The following NTM variants were observed in gnomAD, a reference collection of about 807,000 sequenced individuals.
NTM encodes the protein IgLON family member 2.
NTM carries 13 observed loss-of-function variants against 42.1 expected under a neutral mutation model. That is an observed-to-expected ratio of 0.31 (90% confidence interval 0.20 to 0.49). NTM has a LOEUF of 0.49. Ranked by LOEUF, NTM falls within the 20% of genes least tolerant of loss-of-function variation. The pLI is 0.99. For missense variants in NTM, 373 were observed against 452.8 expected, an observed-to-expected ratio of 0.82 and a Z score of 1.60; for synonymous variants, 187 against 179.2, an observed-to-expected ratio of 1.04 and a Z score of -0.35.
chr11:131,717,303 A>G (rs2077806650), intron 1 of NTM, among the ~76,000 whole-genome samples: 1 of 152,208 alleles, frequency 6.6e-6, no homozygotes, highest in South Asian at 2.1e-4. Context: ...ATTGTATTGA[A>G]TTTATACATT....
chr11:131,956,675 C>T (rs749548773), intron 2 of NTM, among the ~76,000 whole-genome samples: 26 of 152,110 alleles, frequency 1.7e-4, no homozygotes, highest in African/African-American at 4.6e-4. Context: ...CTTCCAGCTC[C>T]GGTGTTTGCC....
intron 4 of NTM, among the ~76,000 whole-genome samples, chr11:132,224,422 G>T (rs1053079693): frequency 6.6e-6 from 1 of 152,106 alleles, no homozygotes. Context: ...CTAGGGGAAT[G>T]AATGGGCTGG....
intron 1 of NTM, among the ~76,000 whole-genome samples, chr11:131,441,243 C>T (rs1270218829): frequency 6.6e-6 from 1 of 152,098 alleles, no homozygotes; most frequent in Non-Finnish European, 1.5e-5. Context: ...GCCCAGAGAC[C>T]GTGAATGTGC....
At chr11:132,223,807 T>C (rs2085642288) in intron 4 of NTM, among the ~76,000 whole-genome samples, 1 of 152,154 alleles carries the variant, frequency 6.6e-6, no homozygotes, top group Non-Finnish European at 1.5e-5. Context: ...TTTCAAAGAA[T>C]GACAAGTTCA....
At chr11:132,161,420 T>C (rs1411261980) in intron 3 of NTM, among the ~76,000 whole-genome samples, 7 of 148,228 alleles carry the variant, frequency 4.7e-5, no homozygotes, top group Non-Finnish European at 7.4e-5. Context: ...CTTTTTGTCA[T>C]CTTCTGCCTG....
chr11:132,089,036 G>A (rs7945451), intron 2 of NTM, among the ~76,000 whole-genome samples: 19,688 of 152,170 alleles, frequency 0.13, 1,440 homozygotes, highest in African/African-American at 0.21. Context: ...TGAGAGGAAT[G>A]AGCAGGAGTG....
chr11:131,826,400 G>A (rs1420985514), intron 1 of NTM, among the ~76,000 whole-genome samples: 5 of 151,980 alleles, frequency 3.3e-5, no homozygotes, highest in African/African-American at 9.7e-5. Flanking sequence ...TAACAAGAAG[G>A]TAGATGATAT....
intron 1 of NTM, among the ~76,000 whole-genome samples, chr11:131,677,084 T>A (rs1311749547): frequency 6.6e-6 from 1 of 152,204 alleles, no homozygotes; most frequent in African/African-American, 2.4e-5. Flanking sequence ...GCCTCTGGCA[T>A]CTAATACATA....
chr11:131,814,333 G>T (rs1403682083), intron 1 of NTM, among the ~76,000 whole-genome samples: 1 of 152,054 alleles, frequency 6.6e-6, no homozygotes, highest in Admixed American at 6.6e-5. Context: ...TAACAAAGCG[G>T]CTCTGAAAGC....
chr11:131,509,103 T>A (rs909463161), intron 1 of NTM, among the ~76,000 whole-genome samples: 1 of 152,200 alleles, frequency 6.6e-6, no homozygotes, highest in Non-Finnish European at 1.5e-5. Flanking sequence ...TTTTGTAATT[T>A]TTAAACCCCA....
At chr11:131,719,806 G>T (rs568322576) in intron 1 of NTM, among the ~76,000 whole-genome samples, 2 of 152,150 alleles carry the variant, frequency 1.3e-5, no homozygotes, top group African/African-American at 4.8e-5. Flanking sequence ...CACTCTCCAG[G>T]ATCTAAGTGG....
chr11:131,940,886 A>G (rs1247265953), intron 2 of NTM, among the ~76,000 whole-genome samples: 1 of 152,230 alleles, frequency 6.6e-6, no homozygotes, highest in African/African-American at 2.4e-5. Context: ...TTGACAACAT[A>G]GTTTATGAGC....
chr11:131,448,789 G>A (rs1048704626), intron 1 of NTM, among the ~76,000 whole-genome samples: 1 of 152,246 alleles, frequency 6.6e-6, no homozygotes, highest in African/African-American at 2.4e-5. Flanking sequence ...CAACAGGCCA[G>A]TGATGTTGGT....
chr11:131,828,915 T>C (rs1343669690), intron 1 of NTM, among the ~76,000 whole-genome samples: 2 of 152,118 alleles, frequency 1.3e-5, no homozygotes, highest in South Asian at 2.1e-4. Context: ...TTATGACTAC[T>C]TACCCTGTCA....
At chr11:132,103,491 A>C (rs746342367) in intron 2 of NTM, among the ~76,000 whole-genome samples, 1 of 152,178 alleles carries the variant, frequency 6.6e-6, no homozygotes, top group Non-Finnish European at 1.5e-5. Context: ...TGGATAATTT[A>C]TTTATTTTAA....
At chr11:131,887,513 G>A (rs554514391) in intron 1 of NTM, among the ~76,000 whole-genome samples, 58 of 152,116 alleles carry the variant, frequency 3.8e-4, no homozygotes, top group Admixed American at 3.8e-3. Context: ...CAGCTTCTTT[G>A]TTCTTTCTGT....
chr11:132,295,277 T>C (rs867683106), intron 4 of NTM, among the ~76,000 whole-genome samples: 2 of 152,300 alleles, frequency 1.3e-5, no homozygotes, highest in South Asian at 4.1e-4. Flanking sequence ...GATATCATAA[T>C]GAATTATGAT....
At chr11:131,401,630 C>T (rs57177084) in intron 1 of NTM, among the ~76,000 whole-genome samples, 2,257 of 150,898 alleles carry the variant, frequency 0.015, 52 homozygotes, top group African/African-American at 0.052. Flanking sequence ...ACCTGTGCCC[C>T]TCTACTCTCT....
intron 1 of NTM, among the ~76,000 whole-genome samples, chr11:131,832,259 T>C (rs1249295262): frequency 6.6e-6 from 1 of 151,674 alleles, no homozygotes; most frequent in Non-Finnish European, 1.5e-5. Context: ...TTCAGAGTAA[T>C]TTTTTCACTT....
Sources: gnomAD v4.1 joint callset for allele counts (sites outside exome capture counted in the v4.1 genomes callset) on GRCh38, gnomAD v4.1.1 for gene constraint, MANE v1.5 for transcripts, NCBI Gene and HGNC (gene_info 2026-07-23, HGNC 2026-07-21) for gene names.